REG4: variants seen among roughly 807,000 people sequenced by gnomAD.
REG4 encodes regenerating islet-derived protein 4.
A neutral mutation model predicts 22.3 loss-of-function variants in REG4; 16 were observed. The ratio of observed to expected loss-of-function variants is 0.72; its 90% CI spans 0.49 to 1.09. REG4 has a LOEUF of 1.09. REG4 is among the 50% of genes least tolerant of loss of function. The pLI, the probability that REG4 is intolerant of heterozygous loss-of-function variation, is 0.00. For synonymous variants in REG4, 71 were observed against 69.2 expected (o/e 1.03, Z -0.13); for missense variants, 214 against 193.9 (o/e 1.10, Z -0.61).
At chr1:119,802,572 G>C in intron 3 of REG4, 1 of 1,173,638 alleles carries the variant, frequency 8.5e-7, no homozygotes, top group African/African-American at 1.6e-5. Context: ...AAGCTTCAAC[G>C]AAATAAAATG....
rs140444210 is a variant in REG4 at position 119,795,545 on chromosome 1, G to T, written c.410-860C>A. Among the ~76,000 whole-genome samples, 7 of 152,366 alleles carry T rather than the reference G, an allele frequency of 4.6e-5. No homozygotes were observed. The East Asian group carries it at 7.7e-4, about 17-fold the overall frequency. On this transcript the variant is annotated intron_variant, in intron 5 of 5. Coordinates refer to ENST00000256585, the MANE Select transcript of REG4 (RefSeq NM_032044.4). ...TCCCTCCCAGAAGCCAAGCTCCACA[G>T]CATCACTTGTCTTCCATGGGTGTCT...
intron 2 of REG4, among the ~76,000 whole-genome samples, chr1:119,806,036 A>T (rs890837505): frequency 4.6e-5 from 7 of 152,102 alleles, no homozygotes; most frequent in African/African-American, 1.7e-4. Context: ...GGCTCAGGTG[A>T]TCCTCCCACC....
chr1:119,798,069 G>C (rs1277386230), intron 5 of REG4, among the ~76,000 whole-genome samples: 1 of 152,136 alleles, frequency 6.6e-6, no homozygotes, highest in Non-Finnish European at 1.5e-5. Context: ...CTCAGGCAAA[G>C]ACCGGCCTTC....
At chr1:119,806,797 G>A (rs17024304) in intron 2 of REG4, among the ~76,000 whole-genome samples, 1,977 of 152,268 alleles carry the variant, frequency 0.013, 37 homozygotes, top group African/African-American at 0.045. Context: ...TCCAATACTC[G>A]TTCTACTCCC....
chr1:119,799,315 G>A (rs1571064484), intron 4 of REG4, among the ~76,000 whole-genome samples: 1 of 151,564 alleles, frequency 6.6e-6, no homozygotes, highest in South Asian at 2.1e-4. Flanking sequence ...AAAAATTACA[G>A]CATCTAAAAA....
intron 4 of REG4, 96 bp downstream of exon 4, chr1:119,799,629 G>C: frequency 6.8e-7 from 1 of 1,479,524 alleles, no homozygotes. Context: ...AGATCCACCC[G>C]CTGTGTCCTT....
In REG4 at chr1:119,794,019, G is replaced by A. The variant is rs2101063619; in HGVS notation, c.*599C>T. 2.1e-6 allele frequency: 1 copy of A among 484,316 alleles called. No homozygotes were observed. The highest frequency in any genetic ancestry group is 5.6e-5 in the East Asian group (1 of 17,852). 30.0% of individuals were successfully genotyped at this position (484,316 alleles called of 1,614,324 possible). A position where few individuals can be genotyped will look rare whatever the true frequency, so the allele number is the denominator to read the frequency against. On this transcript the variant is annotated 3_prime_UTR_variant, in exon 6 of 6. Transcript: ENST00000256585. ...AGATGAAGGAGACGAAGAAGCACTT[G>A]GGTGTATTTCTTGGTCTTATTTCAC...
At chr1:119,796,693 T>A (rs1653946884) in intron 5 of REG4, among the ~76,000 whole-genome samples, 1 of 152,192 alleles carries the variant, frequency 6.6e-6, no homozygotes, top group African/African-American at 2.4e-5. Context: ...CTTTTCTGCC[T>A]TGAGAGCCTG....
At chr1:119,799,700 C>A in intron 4 of REG4, 25 bp downstream of exon 4, 1 of 1,606,710 alleles carries the variant, frequency 6.2e-7, no homozygotes, top group Non-Finnish European at 8.5e-7. Context: ...CCCAAGAGGG[C>A]CTTTGTGGCC....
At chr1:119,806,544 A>G (rs2101074752) in intron 2 of REG4, among the ~76,000 whole-genome samples, 1 of 152,338 alleles carries the variant, frequency 6.6e-6, no homozygotes, top group Non-Finnish European at 1.5e-5. Flanking sequence ...TTTAATTACC[A>G]GAGCCTCCCT....
In REG4 at chr1:119,808,870, A is replaced by C. The variant is rs587718497; in HGVS notation, c.-94-7T>G. 2.7e-6 allele frequency: 2 copies of C among 751,804 alleles called. No individual in the cohort carries two copies. The highest frequency in any genetic ancestry group is 3.5e-5 in the African/African-American group (2 of 57,100). The allele number at this position is 751,804 out of a possible 1,614,324, so 46.6% of individuals were successfully genotyped here. On this transcript the variant is annotated splice_region_variant and splice_polypyrimidine_tract_variant and intron_variant, in intron 1 of 5. Coordinates refer to ENST00000256585, the MANE Select transcript of REG4 (RefSeq NM_032044.4). ...TTCTCCTTGATCTGCAAATCTGAACACATTTGCACAGGTGAGAAGGACCCA... is the reference window on the plus strand; with the variant it reads ...TTCTCCTTGATCTGCAAATCTGAACCCATTTGCACAGGTGAGAAGGACCCA...
Position 119,794,496 on chromosome 1 carries a change from A to G in REG4, c.*122T>C. On this transcript the variant is annotated 3_prime_UTR_variant, in exon 6 of 6. Transcript: ENST00000256585. ...CTAAGCCTAAAAAAGCCAGTGTAGT[A>G]GGGCCCTTATCACTCTTAGTTTGCT... 5.6e-6 allele frequency: 5 copies of G among 887,450 alleles called. No homozygotes were observed. Among genetic ancestry groups the G allele is most frequent in the Non-Finnish European group, 9.5e-6 (5 of 528,802 alleles). The allele number at this position is 887,450 out of a possible 1,614,324, so 55.0% of individuals were successfully genotyped here.
chr1:119,800,103 T>C (rs1453602788), intron 3 of REG4, among the ~76,000 whole-genome samples: 2 of 152,154 alleles, frequency 1.3e-5, no homozygotes, highest in Non-Finnish European at 2.9e-5. Context: ...TCTGAGGACG[T>C]GCCCGGGGTC....
chr1:119,805,530 G>A (rs1029798503), intron 2 of REG4, among the ~76,000 whole-genome samples: 21 of 152,094 alleles, frequency 1.4e-4, no homozygotes, highest in African/African-American at 2.4e-4. Flanking sequence ...GCAGAGGGCC[G>A]AGGGACACAC....
chr1:119,800,564 C>G (rs1654070592), intron 3 of REG4, among the ~76,000 whole-genome samples: 1 of 152,186 alleles, frequency 6.6e-6, no homozygotes, highest in African/African-American at 2.4e-5. Context: ...CAACTGGACA[C>G]AGGAAGAGAG....
At chr1:119,798,665 T>A (rs1654006766) in intron 4 of REG4, 63 bp from the exon 5 acceptor site, 4 of 1,122,350 alleles carry the variant, frequency 3.6e-6, no homozygotes, top group Non-Finnish European at 5.4e-6. Context: ...GCCAAGGAAG[T>A]CCCCTCAGTC....
At chr1:119,804,990 C>G (rs761461974) in intron 2 of REG4, among the ~76,000 whole-genome samples, 1 of 152,136 alleles carries the variant, frequency 6.6e-6, no homozygotes, top group African/African-American at 2.4e-5. Context: ...GAAACAGGCT[C>G]AGGATGGTCA....
At chr1:119,795,032 C>A (rs1000587759) in intron 5 of REG4, among the ~76,000 whole-genome samples, 1 of 152,204 alleles carries the variant, frequency 6.6e-6, no homozygotes, top group African/African-American at 2.4e-5. Context: ...ACATTAAGTC[C>A]TGCAAGAATT....
chr1:119,803,092 C>T lies in REG4; in HGVS notation c.141G>A (p.Lys47=). ...HKSNCYGYFR[K]LRNWSDAELE... ...CCTCGGCATCAGACCAGTTCCTCAGCTTCCTGAAGTAACCATAGCAATTGG... is the reference window on the plus strand; with the variant it reads ...CCTCGGCATCAGACCAGTTCCTCAGTTTCCTGAAGTAACCATAGCAATTGG... Residue 47 remains lysine (K), a synonymous_variant, in exon 3 of 6, where the codon AAG becomes AAA. Coordinates refer to ENST00000256585, the MANE Select transcript of REG4 (RefSeq NM_032044.4). 6.3e-7 allele frequency: 1 copy of T among 1,581,526 alleles called. No homozygotes were observed. Among genetic ancestry groups the T allele is most frequent in the South Asian group, 1.2e-5 (1 of 84,408 alleles).
Sources: allele counts gnomAD v4.1 joint callset (sites outside exome capture counted in the v4.1 genomes callset), GRCh38; gene constraint gnomAD v4.1.1; transcripts MANE v1.5; gene names NCBI Gene and HGNC (gene_info 2026-07-23, HGNC 2026-07-21).